The following TP53BP2 variants were observed in gnomAD, a reference collection of about 807,000 sequenced individuals.
The protein encoded by TP53BP2 is apoptosis-stimulating of p53 protein 2.
In TP53BP2, 62 loss-of-function variants were observed where a neutral mutation model predicts 126.2. The observed-to-expected ratio is 0.49, with a 90% CI of 0.40 to 0.61. The LOEUF is 0.61. TP53BP2 is among the 20% of genes least tolerant of loss of function. The probability of loss-of-function intolerance (pLI) is 0.00; values close to 1 mark genes in which losing one functional copy is unlikely to be tolerated. For missense variants in TP53BP2, 1,215 were observed against 1,402.8 expected, an observed-to-expected ratio of 0.87 and a Z score of 2.14; for synonymous variants, 485 against 502.9, an observed-to-expected ratio of 0.96 and a Z score of 0.48.
intron 4 of TP53BP2, among the ~76,000 whole-genome samples, chr1:223,809,161 G>A (rs1332900231): frequency 6.6e-6 from 1 of 152,138 alleles, no homozygotes; most frequent in Non-Finnish European, 1.5e-5. Flanking sequence ...TCATGCCTCA[G>A]CCTCTAGTTG....
rs914921250 is a variant in TP53BP2 at position 223,845,785 on chromosome 1, AGGCGGC to A, written c.-111_-106del. Reference sequence around the variant, plus strand: ...AGCGAGGCCGCCCGGACCTGTTGCGAGGCGGCGGCGGCGGCAGCGGCGGCGCGCGGG... The same window carrying A: ...AGCGAGGCCGCCCGGACCTGTTGCGAGGCGGCGGCAGCGGCGGCGCGCGGG... On this transcript the variant is annotated 5_prime_UTR_variant, in exon 1 of 18. Coordinates refer to ENST00000343537, the MANE Select transcript of TP53BP2 (RefSeq NM_001031685.3). 1.7e-6 allele frequency: 2 copies of A among 1,149,942 alleles called. No homozygotes were observed. The highest frequency in any genetic ancestry group is 1.7e-5 in the African/African-American group (1 of 60,178). 71.2% of individuals were successfully genotyped at this position (1,149,942 alleles called of 1,614,324 possible). A position where few individuals can be genotyped will look rare whatever the true frequency, so the allele number is the denominator to read the frequency against.
Position 223,804,158 on chromosome 1 carries a change from A to C in TP53BP2, c.649+16T>G. On this transcript the variant is annotated intron_variant, in intron 6 of 17. Transcript: ENST00000343537. Reference sequence around the variant, plus strand: ...AATAAATGTATAAAAAAGTAAATCTATGAGGAACAACTCACCAAGTTTCCC... The same window carrying C: ...AATAAATGTATAAAAAAGTAAATCTCTGAGGAACAACTCACCAAGTTTCCC... 6.3e-7 allele frequency: 1 copy of C among 1,593,136 alleles called. No homozygotes were observed.
chr1:223,812,936 G>C (rs907163079), intron 3 of TP53BP2, among the ~76,000 whole-genome samples: 4 of 152,186 alleles, frequency 2.6e-5, no homozygotes, highest in African/African-American at 9.7e-5. Flanking sequence ...GATCTAAGGT[G>C]ATCTACCCAC....
At chr1:223,815,088 A>T (rs1001093600) in intron 2 of TP53BP2, among the ~76,000 whole-genome samples, 1 of 152,232 alleles carries the variant, frequency 6.6e-6, no homozygotes, top group African/African-American at 2.4e-5. Flanking sequence ...TGAGGAGGCA[A>T]TTGCTTAAAA....
At chr1:223,783,259 C>T (rs779310355) in intron 17 of TP53BP2, among the ~76,000 whole-genome samples, 1 of 152,232 alleles carries the variant, frequency 6.6e-6, no homozygotes, top group Admixed American at 6.5e-5. Context: ...GCCCTCCCCA[C>T]GTTCCTTCTG....
At chr1:223,821,678 T>C (rs1050963517) in intron 1 of TP53BP2, among the ~76,000 whole-genome samples, 3 of 152,194 alleles carry the variant, frequency 2.0e-5, no homozygotes, top group Admixed American at 2.0e-4. Context: ...GCTGGACCCA[T>C]ACTACAAATA....
In TP53BP2 at chr1:223,796,597, G is replaced by GA; in HGVS notation, c.1949-8_1949-7insT. ...ATTACAGGCTTACCATATACTAATT[G>GA]GAAAAGGAAAAAAAAAAGCCCTCAT... On this transcript the variant is annotated splice_region_variant and splice_polypyrimidine_tract_variant and intron_variant, in intron 12 of 17. Transcript: ENST00000343537. The surrounding 1 kb of genome is among the most constrained non-coding windows in gnomAD (Gnocchi z 4.2). The GA allele has an allele frequency of 6.5e-7, 1 of 1,528,084 alleles. No individual in the cohort carries two copies. The highest frequency in any genetic ancestry group is 8.7e-7 in the Non-Finnish European group (1 of 1,145,746). The allele number at this position is 1,528,084 out of a possible 1,614,324, so 94.7% of individuals were successfully genotyped here. A position where few individuals can be genotyped will look rare whatever the true frequency, so the allele number is the denominator to read the frequency against.
intron 7 of TP53BP2, 109 bp downstream of exon 7, chr1:223,803,162 T>C (rs1662587490): frequency 1.5e-6 from 2 of 1,345,602 alleles, no homozygotes; most frequent in Non-Finnish European, 2.0e-6. Flanking sequence ...ACAACCTGCC[T>C]TCTCTTTAAG....
chr1:223,815,229 C>G (rs1460335385), intron 2 of TP53BP2, among the ~76,000 whole-genome samples: 1 of 152,190 alleles, frequency 6.6e-6, no homozygotes. Flanking sequence ...GGGCAGAGAA[C>G]AGAGCAGGCA....
At chr1:223,812,107 G>A (rs1662927233) in intron 3 of TP53BP2, among the ~76,000 whole-genome samples, 1 of 151,594 alleles carries the variant, frequency 6.6e-6, no homozygotes, top group South Asian at 2.1e-4. Flanking sequence ...AAAAATACAT[G>A]TTTACTTAAA....
intron 13 of TP53BP2, 118 bp downstream of exon 13, chr1:223,795,697 C>G (rs1050156371): frequency 3.2e-6 from 3 of 926,232 alleles, no homozygotes; most frequent in South Asian, 6.0e-5. Flanking sequence ...AAGATCCACT[C>G]TGTGCCAAGG....
At chr1:223,788,539 G>T (rs944313045) in intron 16 of TP53BP2, among the ~76,000 whole-genome samples, 26 of 151,996 alleles carry the variant, frequency 1.7e-4, no homozygotes, top group African/African-American at 6.0e-4. Flanking sequence ...AAACAAAAGA[G>T]AAAAAAATAA....
intron 3 of TP53BP2, among the ~76,000 whole-genome samples, chr1:223,812,994 A>G (rs924791960): frequency 1.3e-5 from 2 of 152,154 alleles, no homozygotes; most frequent in African/African-American, 4.8e-5. Context: ...CACCGCGCTC[A>G]GCCAAAACTG....
chr1:223,780,921 A>G, intron 17 of TP53BP2, 27 bp from the exon 18 acceptor site: 2 of 1,602,588 alleles, frequency 1.2e-6, no homozygotes, highest in Non-Finnish European at 1.7e-6. Flanking sequence ...AAAATTTTAC[A>G]TACTATAATA....
chr1:223,787,422 A>G (rs1662008124), intron 16 of TP53BP2, among the ~76,000 whole-genome samples: 1 of 151,484 alleles, frequency 6.6e-6, no homozygotes, highest in East Asian at 1.9e-4. Context: ...ATATGTTACT[A>G]TATCAAAATA....
intron 16 of TP53BP2, among the ~76,000 whole-genome samples, chr1:223,786,292 G>A (rs1390814625): frequency 6.6e-6 from 1 of 152,194 alleles, no homozygotes; most frequent in African/African-American, 2.4e-5. Flanking sequence ...GACGTGAGAA[G>A]GGGCCACATC....
intron 16 of TP53BP2, among the ~76,000 whole-genome samples, chr1:223,788,702 T>C (rs1013946786): frequency 1.3e-5 from 2 of 152,194 alleles, no homozygotes; most frequent in African/African-American, 4.8e-5. Flanking sequence ...TTTGCAAGGA[T>C]ACACCATCAA....
At chr1:223,822,774 T>C (rs541179162) in intron 1 of TP53BP2, among the ~76,000 whole-genome samples, 2 of 152,048 alleles carry the variant, frequency 1.3e-5, no homozygotes, top group East Asian at 1.9e-4. Context: ...TTCACACCTA[T>C]TAAATTACAA....
chr1:223,784,182 T>C lies in TP53BP2; in HGVS notation c.3296A>G (p.Asp1099Gly). ...CMTIIHREDEDEIEWWWARLN... is the reference protein window; with the variant it reads ...CMTIIHREDEGEIEWWWARLN... The stretch of plus-strand genomic sequence containing the variant: ...GCGCGCCCACCACCATTCGATTTCA[T>C]CTTCGTCTTCCCTGTGGATGATTGT... The change falls in exon 17 of 18, where the codon GAT (aspartate) becomes GGT (glycine). Residue 1099 changes from aspartate (D) to glycine (G), a missense_variant. Physicochemically the swap from Asp to Gly is moderately conservative, Grantham distance 94 (BLOSUM62 -1). Coordinates refer to ENST00000343537, the MANE Select transcript of TP53BP2 (RefSeq NM_001031685.3). 1 of 1,614,200 alleles carries C rather than the reference T, an allele frequency of 6.2e-7. No individual in the cohort carries two copies. The highest frequency in any genetic ancestry group is 2.2e-5 in the East Asian group (1 of 44,888).
Sources: gnomAD v4.1 joint callset for allele counts (sites outside exome capture counted in the v4.1 genomes callset) on GRCh38, gnomAD v4.1.1 for gene constraint, Gnocchi (gnomAD v3.1) non-coding constraint, MANE v1.5 for transcripts, NCBI Gene and HGNC (gene_info 2026-07-23, HGNC 2026-07-21) for gene names.